The following CDH13 variants were observed in gnomAD, a reference collection of about 807,000 sequenced individuals.
CDH13 encodes the protein cadherin 13, also known as cadherin-13.
Under a neutral mutation model 63.8 loss-of-function variants are expected in CDH13, and 24 were observed. That is an observed-to-expected ratio of 0.38 (90% CI 0.27 to 0.53). The LOEUF (loss-of-function observed/expected upper bound fraction) is 0.53, where lower values mean the gene tolerates loss of function less well. Ranked by LOEUF, CDH13 falls within the 20% of genes least tolerant of loss-of-function variation. The pLI is 0.85. For missense variants in CDH13, 1,049 were observed against 903.1 expected, an observed-to-expected ratio of 1.16 and a Z score of -2.07; for synonymous variants, 503 against 355.3, an observed-to-expected ratio of 1.42 and a Z score of -4.67.
intron 3 of CDH13, among the ~76,000 whole-genome samples, chr16:83,072,025 A>T (rs981207515): frequency 1.3e-5 from 2 of 152,126 alleles, no homozygotes; most frequent in African/African-American, 4.8e-5. Context: ...AAAACTAAAA[A>T]TAAATATATA....
At chr16:83,773,714 C>T (rs889265043) in intron 11 of CDH13, among the ~76,000 whole-genome samples, 7 of 152,162 alleles carry the variant, frequency 4.6e-5, no homozygotes, top group African/African-American at 1.7e-4. Context: ...GGTTATGGCC[C>T]TCTTGGTCAA....
At chr16:83,573,599 G>A (rs1451471425) in intron 7 of CDH13, among the ~76,000 whole-genome samples, 1 of 152,104 alleles carries the variant, frequency 6.6e-6, no homozygotes, top group Non-Finnish European at 1.5e-5. Flanking sequence ...ATGCACAGTT[G>A]CCATAATTGA....
rs570048977 is a variant in CDH13, at chr16:83,777,439, G to T, written c.1682-2529G>T. ...GCGCTGAGTCTTGGCAGAACACCCTGCGGTCCCCCAGCCAGTTTCTCATTG... is the reference window on the plus strand; with the variant it reads ...GCGCTGAGTCTTGGCAGAACACCCTTCGGTCCCCCAGCCAGTTTCTCATTG... On this transcript the variant is annotated intron_variant, in intron 11 of 13. Transcript: ENST00000567109. Among the ~76,000 whole-genome samples the T allele has an allele frequency of 2.0e-5, 3 of 152,330 alleles. No individual in the cohort carries two copies. In the South Asian group the frequency reaches 6.2e-4, roughly 32 times the overall value.
At position 83,357,477 on chromosome 16, in the gene CDH13, C is replaced by T. The variant is rs117104720; in HGVS notation, c.781+12471C>T. 7.9e-3 allele frequency among the ~76,000 whole-genome samples: 1,207 copies of T among 152,248 alleles called. 9 individuals are homozygous for T. Among genetic ancestry groups the T allele is most frequent in the Non-Finnish European group, 0.012 (796 of 68,014 alleles). The stretch of plus-strand genomic sequence containing the variant: ...TGGTTTAACTGGAAATATTGACCCA[C>T]GCAACTAAAACTCAGGTAACCCAAG... On this transcript the variant is annotated intron_variant, in intron 6 of 13. Transcript: ENST00000567109.
chr16:82,852,844 C>A (rs1316251156), intron 1 of CDH13, among the ~76,000 whole-genome samples: 1 of 152,148 alleles, frequency 6.6e-6, no homozygotes, highest in Non-Finnish European at 1.5e-5. Flanking sequence ...ACCACATCTG[C>A]TGGCCACATC....
At chr16:83,030,424 C>T (rs1426151559) in intron 2 of CDH13, among the ~76,000 whole-genome samples, 1 of 151,938 alleles carries the variant, frequency 6.6e-6, no homozygotes, top group African/African-American at 2.4e-5. Flanking sequence ...TTTGGGAGGC[C>T]TGAGGTCGGG....
At chr16:83,512,793 T>A (rs1405567704) in intron 7 of CDH13, among the ~76,000 whole-genome samples, 1 of 152,072 alleles carries the variant, frequency 6.6e-6, no homozygotes. Flanking sequence ...AGTAGCCACA[T>A]CCCCTGAGAT....
At chr16:82,922,964 G>A (rs2042201447) in intron 2 of CDH13, among the ~76,000 whole-genome samples, 1 of 152,162 alleles carries the variant, frequency 6.6e-6, no homozygotes, top group South Asian at 2.1e-4. Context: ...TTGTATCCCA[G>A]TGAATATGAG....
chr16:82,630,985 C>T (rs1292109707), intron 1 of CDH13, among the ~76,000 whole-genome samples: 2 of 152,216 alleles, frequency 1.3e-5, no homozygotes. Flanking sequence ...CAAAACAAAA[C>T]TATTCTCCTT....
chr16:83,291,313 A>G (rs910991290), intron 5 of CDH13, among the ~76,000 whole-genome samples: 2 of 152,096 alleles, frequency 1.3e-5, no homozygotes, highest in Non-Finnish European at 2.9e-5. Context: ...CTACTTCTTC[A>G]TCTTCCAGGG....
chr16:83,040,132 C>T (rs1917209549), intron 3 of CDH13, among the ~76,000 whole-genome samples: 1 of 151,884 alleles, frequency 6.6e-6, no homozygotes, highest in Non-Finnish European at 1.5e-5. Flanking sequence ...TGGCATGAAT[C>T]CCAGTGCTGC....
chr16:83,399,603 C>T lies in CDH13; in HGVS notation c.781+54597C>T, dbSNP rs139877589. The stretch of plus-strand genomic sequence containing the variant: ...GATCTCAGTGGATCAAGGACTCACT[C>T]GTAACCAGTAGAATGATGTGTGACT... On this transcript the variant is annotated intron_variant, in intron 6 of 13. Coordinates refer to ENST00000567109, the MANE Select transcript of CDH13 (RefSeq NM_001257.5). 4.5e-4 allele frequency among the ~76,000 whole-genome samples: 69 copies of T among 152,222 alleles called. 1 individual carries two copies. Among genetic ancestry groups the T allele is most frequent in the Middle Eastern group, 3.4e-3 (1 of 294 alleles).
chr16:83,779,695 C>A lies in CDH13; in HGVS notation c.1682-273C>A, dbSNP rs922633696. On this transcript the variant is annotated intron_variant, in intron 11 of 13. Transcript: ENST00000567109. Reference sequence around the variant, plus strand: ...AAAATTATCCTCTTAGATGTAAATGCTAAAAAAATAAAGTTAGCCAGGTGT... The same window carrying A: ...AAAATTATCCTCTTAGATGTAAATGATAAAAAAATAAAGTTAGCCAGGTGT... Among the ~76,000 whole-genome samples the A allele has an allele frequency of 4.0e-5, 6 of 151,712 alleles. No homozygotes were observed. The East Asian group carries it at 1.2e-3, about 29-fold the overall frequency.
At chr16:83,419,345 A>G (rs916998586) in intron 6 of CDH13, among the ~76,000 whole-genome samples, 1 of 152,214 alleles carries the variant, frequency 6.6e-6, no homozygotes, top group Non-Finnish European at 1.5e-5. Flanking sequence ...AGCCACACAT[A>G]TAAGACATCA....
At chr16:83,281,537 T>C (rs1443594224) in intron 5 of CDH13, among the ~76,000 whole-genome samples, 1 of 152,220 alleles carries the variant, frequency 6.6e-6, no homozygotes, top group East Asian at 1.9e-4. Context: ...ACTTTTCCTT[T>C]GCATTCATAA....
At chr16:82,779,041 G>A (rs374204026) in intron 1 of CDH13, among the ~76,000 whole-genome samples, 1 of 152,290 alleles carries the variant, frequency 6.6e-6, no homozygotes, top group East Asian at 1.9e-4. Context: ...GACTTAGAGA[G>A]GAAAGATAAT....
chr16:83,205,969 T>G (rs2151771884), intron 4 of CDH13, among the ~76,000 whole-genome samples: 1 of 152,186 alleles, frequency 6.6e-6, no homozygotes, highest in South Asian at 2.1e-4. Context: ...AATGTCAGTG[T>G]AGGTTGGGAT....
At chr16:83,463,463 A>T (rs1276007967) in intron 6 of CDH13, among the ~76,000 whole-genome samples, 2 of 152,170 alleles carry the variant, frequency 1.3e-5, no homozygotes, top group African/African-American at 4.8e-5. Flanking sequence ...GCAGAGGAAG[A>T]TGGCATACCA....
At chr16:83,227,745 T>G (rs28396780) in intron 5 of CDH13, among the ~76,000 whole-genome samples, 1 of 152,060 alleles carries the variant, frequency 6.6e-6, no homozygotes. Context: ...GGGGAGCATC[T>G]GGGGACCATA....
Sources: allele counts gnomAD v4.1 joint callset (sites outside exome capture counted in the v4.1 genomes callset), GRCh38; gene constraint gnomAD v4.1.1; transcripts MANE v1.5; gene names NCBI Gene and HGNC (gene_info 2026-07-23, HGNC 2026-07-21).